The following PTPRD variants were observed in gnomAD, a reference collection of about 807,000 sequenced individuals.
PTPRD encodes the protein receptor-type tyrosine-protein phosphatase delta.
In PTPRD, 34 loss-of-function variants were observed where a neutral mutation model predicts 214.5. The observed-to-expected ratio is 0.16, with a 90% CI of 0.12 to 0.21. The LOEUF is 0.21. Among genes scored for constraint, PTPRD ranks in the 10% least tolerant of loss-of-function variants. The pLI, the probability that PTPRD is intolerant of heterozygous loss-of-function variation, is 1.00. For missense variants in PTPRD, 2,545 were observed against 2,398.7 expected, an observed-to-expected ratio of 1.06 and a Z score of -1.27; for synonymous variants, 1,128 against 845.7, an observed-to-expected ratio of 1.33 and a Z score of -5.79.
At chr9:9,255,599 C>A (rs943989510) in intron 9 of PTPRD, among the ~76,000 whole-genome samples, 3 of 152,020 alleles carry the variant, frequency 2.0e-5, no homozygotes, top group Non-Finnish European at 4.4e-5. Context: ...TTTGTTCACA[C>A]TCCCTCTCAG....
At chr9:10,182,558 T>C (rs1182989410) in intron 3 of PTPRD, among the ~76,000 whole-genome samples, 3 of 152,094 alleles carry the variant, frequency 2.0e-5, no homozygotes, top group Admixed American at 1.3e-4. Context: ...TATTTACTTA[T>C]TTAATATTAT....
chr9:8,333,223 G>A (rs185511897), intron 43 of PTPRD, among the ~76,000 whole-genome samples: 1 of 152,174 alleles, frequency 6.6e-6, no homozygotes, highest in Admixed American at 6.5e-5. Context: ...TCTGTTTCTG[G>A]AAAAGATTTG....
intron 2 of PTPRD, among the ~76,000 whole-genome samples, chr9:10,421,869 C>G (rs1278846228): frequency 6.6e-6 from 1 of 151,670 alleles, no homozygotes. Flanking sequence ...ATGCCAATAA[C>G]AGCAGTCCTT....
chr9:9,799,152 A>G (rs1260315948), intron 5 of PTPRD, among the ~76,000 whole-genome samples: 1 of 152,202 alleles, frequency 6.6e-6, no homozygotes, highest in African/African-American at 2.4e-5. Flanking sequence ...AAATAAATGC[A>G]ATTAACTTCC....
chr9:10,088,521 G>A (rs1441994190), intron 3 of PTPRD, among the ~76,000 whole-genome samples: 1 of 151,656 alleles, frequency 6.6e-6, no homozygotes, highest in Admixed American at 6.6e-5. Flanking sequence ...GAGTCCTATA[G>A]TTTATTAGTC....
At chr9:9,099,896 G>A (rs1440942585) in intron 10 of PTPRD, among the ~76,000 whole-genome samples, 1 of 152,158 alleles carries the variant, frequency 6.6e-6, no homozygotes, top group African/African-American at 2.4e-5. Flanking sequence ...GGGTGAGGAA[G>A]CACTGCAGAT....
At chr9:9,798,970 G>C (rs10119596) in intron 5 of PTPRD, among the ~76,000 whole-genome samples, 12,328 of 152,096 alleles carry the variant, frequency 0.081, 757 homozygotes, top group African/African-American at 0.17. Flanking sequence ...AAAATATTTT[G>C]AAAGTTGGGA....
rs1821521364 is a variant in PTPRD at position 8,316,026 on chromosome 9, T to C, written c.*1848A>G. The C allele has an allele frequency of 4.4e-6, 1 of 228,056 alleles. No homozygotes were observed. Among genetic ancestry groups the C allele is most frequent in the African/African-American group, 2.2e-5 (1 of 45,032 alleles). 14.1% of individuals were successfully genotyped at this position (228,056 alleles called of 1,614,324 possible). On this transcript the variant is annotated 3_prime_UTR_variant, in exon 46 of 46. Transcript: ENST00000381196. ...CAAAGTTGCCAATGATATTTGTTACTAAAATAAGTTTGGTGCAGTTACTGC... is the reference window on the plus strand; with the variant it reads ...CAAAGTTGCCAATGATATTTGTTACCAAAATAAGTTTGGTGCAGTTACTGC...
intron 3 of PTPRD, among the ~76,000 whole-genome samples, chr9:10,151,654 G>T (rs2099062104): frequency 6.6e-6 from 1 of 151,984 alleles, no homozygotes; most frequent in South Asian, 2.1e-4. Flanking sequence ...GTGAGTTTTG[G>T]TAAATGCATG....
chr9:9,320,634 T>C (rs1469644913), intron 9 of PTPRD, among the ~76,000 whole-genome samples: 1 of 152,138 alleles, frequency 6.6e-6, no homozygotes, highest in Admixed American at 6.6e-5. Flanking sequence ...CTGCCTGGAT[T>C]GAGTAGACCT....
chr9:9,322,115 C>T (rs1197624473), intron 9 of PTPRD, among the ~76,000 whole-genome samples: 1 of 152,130 alleles, frequency 6.6e-6, no homozygotes, highest in Non-Finnish European at 1.5e-5. Context: ...CAGGCAAAAC[C>T]ATGACCTGGA....
intron 7 of PTPRD, among the ~76,000 whole-genome samples, chr9:9,589,097 T>C (rs1477115264): frequency 6.6e-6 from 1 of 151,986 alleles, no homozygotes; most frequent in Non-Finnish European, 1.5e-5. Context: ...ACTTTCTTAG[T>C]TCTAGGCAAC....
chr9:10,192,506 A>G (rs2099369999), intron 3 of PTPRD, among the ~76,000 whole-genome samples: 1 of 151,990 alleles, frequency 6.6e-6, no homozygotes, highest in Admixed American at 6.6e-5. Context: ...CTTCCTTTAA[A>G]AAATCTTATA....
chr9:8,923,380 C>G (rs1053799753), intron 11 of PTPRD, among the ~76,000 whole-genome samples: 1 of 151,926 alleles, frequency 6.6e-6, no homozygotes, highest in African/African-American at 2.4e-5. Flanking sequence ...TTACTCAGCA[C>G]CGAGAGCAAG....
intron 5 of PTPRD, among the ~76,000 whole-genome samples, chr9:9,937,089 G>T (rs557210730): frequency 6.6e-6 from 1 of 152,088 alleles, no homozygotes; most frequent in African/African-American, 2.4e-5. Flanking sequence ...GTTGGGGGAA[G>T]GGGGAGGGAT....
chr9:8,667,290 G>A (rs1170690191), intron 12 of PTPRD, among the ~76,000 whole-genome samples: 1 of 152,180 alleles, frequency 6.6e-6, no homozygotes, highest in African/African-American at 2.4e-5. Context: ...AGTGAGCCGA[G>A]ATCATGCCAT....
chr9:9,445,392 G>C (rs1337788129), intron 8 of PTPRD, among the ~76,000 whole-genome samples: 1 of 152,104 alleles, frequency 6.6e-6, no homozygotes, highest in South Asian at 2.1e-4. Context: ...TCTCATGGTT[G>C]GTTAATCCTT....
At chr9:10,509,412 T>C (rs1012684712) in intron 2 of PTPRD, among the ~76,000 whole-genome samples, 2 of 151,390 alleles carry the variant, frequency 1.3e-5, no homozygotes, top group East Asian at 1.9e-4. Context: ...CTCTTGTTGT[T>C]TCAGCTTCAT....
intron 11 of PTPRD, chr9:8,859,888 CA>C (rs1164021127): frequency 6.6e-6 from 1 of 151,274 alleles, no homozygotes; most frequent in Non-Finnish European, 1.5e-5. Flanking sequence ...TAGTGAAAAT[CA>C]GGAAGAAATC....
Sources: allele counts gnomAD v4.1 joint callset (sites outside exome capture counted in the v4.1 genomes callset), GRCh38; gene constraint gnomAD v4.1.1; transcripts MANE v1.5; gene names NCBI Gene and HGNC (gene_info 2026-07-23, HGNC 2026-07-21).